The following ZBTB20 variants were observed in gnomAD, a reference collection of about 807,000 sequenced individuals.
The protein encoded by ZBTB20 is zinc finger and BTB domain-containing protein 20.
A neutral mutation model predicts 56.9 loss-of-function variants in ZBTB20; 9 were observed. That is an observed-to-expected ratio of 0.16 (90% confidence interval 0.10 to 0.28). The LOEUF (loss-of-function observed/expected upper bound fraction) is 0.28. ZBTB20 is among the 10% of genes least tolerant of loss of function. The probability of loss-of-function intolerance (pLI) is 1.00; values close to 1 mark genes in which losing one functional copy is unlikely to be tolerated. For synonymous variants in ZBTB20, 417 were observed against 420.7 expected (o/e 0.99, Z 0.11); for missense variants, 655 against 1,003.0 (o/e 0.65, Z 4.69).
At chr3:115,078,396 T>C (rs1249504174) in intron 1 of ZBTB20, among the ~76,000 whole-genome samples, 6 of 152,110 alleles carry the variant, frequency 3.9e-5, no homozygotes, top group South Asian at 2.1e-4. Context: ...GAAATTATTC[T>C]TCATCCTCAC....
chr3:114,983,355 A>T (rs771226444), intron 2 of ZBTB20, among the ~76,000 whole-genome samples: 68 of 152,010 alleles, frequency 4.5e-4, no homozygotes, highest in Non-Finnish European at 7.8e-4. Flanking sequence ...TAGTGAACTC[A>T]AATTAATTTT....
At chr3:114,343,517 AC>A (rs2108124720) in intron 11 of ZBTB20, among the ~76,000 whole-genome samples, 1 of 152,302 alleles carries the variant, frequency 6.6e-6, no homozygotes, top group Admixed American at 6.5e-5. Flanking sequence ...GCTTGATGAG[AC>A]AGCAGGCAGC....
chr3:115,001,218 C>T (rs1457204309), intron 2 of ZBTB20, among the ~76,000 whole-genome samples: 2 of 151,058 alleles, frequency 1.3e-5, no homozygotes, highest in African/African-American at 4.8e-5. Context: ...TTAAAATAAG[C>T]ACTTTAAAAA....
intron 2 of ZBTB20, among the ~76,000 whole-genome samples, chr3:115,019,168 T>TG (rs1423884737): frequency 4.0e-5 from 6 of 151,322 alleles, no homozygotes; most frequent in African/African-American, 1.5e-4. Flanking sequence ...CCAATGTTGT[T>TG]GTTACCCCTC....
At chr3:114,909,139 C>A (rs1049305014) in intron 3 of ZBTB20, among the ~76,000 whole-genome samples, 1 of 151,916 alleles carries the variant, frequency 6.6e-6, no homozygotes, top group East Asian at 1.9e-4. Context: ...CAGCTCCATG[C>A]ATGTTATTAC....
At chr3:114,431,913 C>A (rs1373066902) in intron 7 of ZBTB20, among the ~76,000 whole-genome samples, 3 of 152,050 alleles carry the variant, frequency 2.0e-5, no homozygotes, top group Non-Finnish European at 4.4e-5. Flanking sequence ...TCAAGTGGCA[C>A]AAAGGAGTGA....
chr3:114,669,871 T>C (rs1245904044), intron 6 of ZBTB20, among the ~76,000 whole-genome samples: 5 of 152,042 alleles, frequency 3.3e-5, no homozygotes, highest in African/African-American at 9.7e-5. Context: ...AAATTTATTT[T>C]CTAAATAAGC....
intron 7 of ZBTB20, among the ~76,000 whole-genome samples, chr3:114,423,579 G>A (rs1284581748): frequency 6.6e-6 from 1 of 152,148 alleles, no homozygotes; most frequent in Non-Finnish European, 1.5e-5. Flanking sequence ...AAGATGATGT[G>A]TTAATAGATG....
chr3:114,793,733 C>G (rs546288567), intron 5 of ZBTB20, among the ~76,000 whole-genome samples: 1 of 152,170 alleles, frequency 6.6e-6, no homozygotes, highest in South Asian at 2.1e-4. Context: ...ATAGGAAGAA[C>G]ACTTACAGTC....
chr3:114,527,675 A>G (rs2047382926), intron 6 of ZBTB20, among the ~76,000 whole-genome samples: 1 of 152,210 alleles, frequency 6.6e-6, no homozygotes, highest in Non-Finnish European at 1.5e-5. Context: ...TTAACAACAT[A>G]TATTTACCAG....
At chr3:114,455,851 C>T (rs759587079) in intron 7 of ZBTB20, among the ~76,000 whole-genome samples, 2 of 152,082 alleles carry the variant, frequency 1.3e-5, no homozygotes, top group Admixed American at 6.6e-5. Context: ...ACACTGAAGG[C>T]GATTTGCAGA....
intron 5 of ZBTB20, among the ~76,000 whole-genome samples, chr3:114,736,191 A>C (rs574970396): frequency 5.3e-5 from 8 of 152,306 alleles, no homozygotes; most frequent in African/African-American, 1.7e-4. Flanking sequence ...CTGTAAAATG[A>C]AGGAAATAGT....
At chr3:114,578,619 T>G (rs1171128894) in intron 6 of ZBTB20, among the ~76,000 whole-genome samples, 1 of 151,906 alleles carries the variant, frequency 6.6e-6, no homozygotes, top group Non-Finnish European at 1.5e-5. Flanking sequence ...TAGATTTCTC[T>G]TAATTAAGAA....
rs1050986982 is a variant in ZBTB20 at position 114,352,044 on chromosome 3, C to T, written c.200-166G>A. 1.1e-5 allele frequency: 10 copies of T among 873,166 alleles called. No individual in the cohort carries two copies. The East Asian group carries it at 1.3e-4, about 12-fold the overall frequency. 54.1% of individuals were successfully genotyped at this position (873,166 alleles called of 1,614,324 possible). ...GGCTGCGGCATACAAGCTGTAGGTA[C>T]GATGACCTGAGGGAAAAGGACCTTG... On this transcript the variant is annotated intron_variant, in intron 10 of 11. Transcript: ENST00000675478.
intron 2 of ZBTB20, among the ~76,000 whole-genome samples, chr3:115,002,242 C>A (rs2079282222): frequency 6.6e-6 from 1 of 151,284 alleles, no homozygotes; most frequent in Non-Finnish European, 1.5e-5. Context: ...AATCATAGAC[C>A]TAAATGTACA....
intron 6 of ZBTB20, among the ~76,000 whole-genome samples, chr3:114,525,651 T>C (rs565874317): frequency 6.6e-6 from 1 of 152,328 alleles, no homozygotes; most frequent in Non-Finnish European, 1.5e-5. Flanking sequence ...TTCTTACCTT[T>C]TCACTTTAAA....
intron 4 of ZBTB20, among the ~76,000 whole-genome samples, chr3:114,807,062 A>C (rs2072160699): frequency 6.6e-6 from 1 of 151,908 alleles, no homozygotes; most frequent in Non-Finnish European, 1.5e-5. Context: ...AAGTATTTTC[A>C]CTATTTTGGA....
intron 5 of ZBTB20, among the ~76,000 whole-genome samples, chr3:114,762,726 G>A (rs755356511): frequency 3.3e-5 from 5 of 152,288 alleles, no homozygotes; most frequent in Non-Finnish European, 4.4e-5. Flanking sequence ...AAGCCAGGGC[G>A]TTCTAGAATC....
intron 4 of ZBTB20, among the ~76,000 whole-genome samples, chr3:114,809,647 T>C (rs1447614034): frequency 6.6e-6 from 1 of 152,206 alleles, no homozygotes; most frequent in Non-Finnish European, 1.5e-5. Flanking sequence ...CTTTGTTTGC[T>C]AAGTTTAACA....
Sources: gnomAD v4.1 joint callset for allele counts (sites outside exome capture counted in the v4.1 genomes callset) on GRCh38, gnomAD v4.1.1 for gene constraint, MANE v1.5 for transcripts, NCBI Gene and HGNC (gene_info 2026-07-23, HGNC 2026-07-21) for gene names.